Variants in XDH observed in about 807,000 individuals in gnomAD.
XDH encodes xanthine dehydrogenase/oxidase.
XDH carries 138 observed loss-of-function variants against 156.1 expected under a neutral mutation model. The ratio of observed to expected loss-of-function variants is 0.88; its 90% CI spans 0.77 to 1.02. The LOEUF (loss-of-function observed/expected upper bound fraction) is 1.02, where lower values mean the gene tolerates loss of function less well. XDH is among the 50% of genes least tolerant of loss of function. The pLI, the probability that XDH is intolerant of heterozygous loss-of-function variation, is 0.00. For missense variants in XDH, 1,849 were observed against 1,684.9 expected (o/e 1.10, Z -1.71); for synonymous variants, 669 against 625.7 (o/e 1.07, Z -1.03).
intron 1 of XDH, among the ~76,000 whole-genome samples, chr2:31,413,961 T>C (rs1327503092): frequency 3.3e-5 from 5 of 152,136 alleles, no homozygotes; most frequent in Non-Finnish European, 7.4e-5. Flanking sequence ...TAAGTCCCTG[T>C]GTACCAATAA....
chr2:31,410,604 C>A (rs1328425776), intron 1 of XDH, among the ~76,000 whole-genome samples: 1 of 152,184 alleles, frequency 6.6e-6, no homozygotes, highest in Non-Finnish European at 1.5e-5. Flanking sequence ...GACCCAAAAA[C>A]TGACGTTAAA....
At chr2:31,392,500 C>T (rs935230198) in intron 6 of XDH, among the ~76,000 whole-genome samples, 1 of 152,140 alleles carries the variant, frequency 6.6e-6, no homozygotes, top group African/African-American at 2.4e-5. Flanking sequence ...TCTTGGCTCA[C>T]TGCAACCTCC....
chr2:31,380,081 A>G lies in XDH; in HGVS notation c.1133-105T>C, dbSNP rs1008091392. On this transcript the variant is annotated intron_variant, in intron 12 of 35. Transcript: ENST00000379416. ...GTGGGATTCTTCATGCTGGTCTCCAATGCCCACAGTCAGAGCAAATGACTG... is the reference window on the plus strand; with the variant it reads ...GTGGGATTCTTCATGCTGGTCTCCAGTGCCCACAGTCAGAGCAAATGACTG... The G allele has an allele frequency of 4.0e-5, 44 of 1,095,958 alleles. No individual in the cohort carries two copies. In the African/African-American group the frequency reaches 5.9e-4, roughly 15 times the overall value. The allele number at this position is 1,095,958 out of a possible 1,614,324, so 67.9% of individuals were successfully genotyped here.
chr2:31,395,903 T>C (rs996056372), intron 6 of XDH, among the ~76,000 whole-genome samples: 4 of 152,190 alleles, frequency 2.6e-5, no homozygotes, highest in African/African-American at 7.2e-5. Context: ...AAGTCTTGCT[T>C]GTACCTGTTT....
chr2:31,360,723 G>A (rs904630303), intron 24 of XDH, among the ~76,000 whole-genome samples: 2 of 152,132 alleles, frequency 1.3e-5, no homozygotes, highest in African/African-American at 4.8e-5. Flanking sequence ...ACCCACTAGG[G>A]TTCTTGGAAT....
At chr2:31,373,844 G>C (rs1205762877) in intron 16 of XDH, 29 bp downstream of exon 16, 1 of 1,611,850 alleles carries the variant, frequency 6.2e-7, no homozygotes, top group South Asian at 1.1e-5. Context: ...AAAGTCCCCT[G>C]ATATTAGCCA....
chr2:31,348,430 A>C (rs1226581483), intron 27 of XDH, 67 bp from the exon 28 acceptor site: 1 of 1,471,602 alleles, frequency 6.8e-7, no homozygotes, highest in African/African-American at 1.4e-5. Context: ...TTTGGGACCA[A>C]AGGTATGGAG....
At chr2:31,408,878 G>C (rs1213094855) in intron 1 of XDH, among the ~76,000 whole-genome samples, 6 of 152,196 alleles carry the variant, frequency 3.9e-5, no homozygotes, top group Non-Finnish European at 1.5e-5. Context: ...ACATTTGGAA[G>C]CAACCTAAGC....
At chr2:31,365,827 G>A in intron 22 of XDH, 149 bp downstream of exon 22, 1 of 1,354,564 alleles carries the variant, frequency 7.4e-7, no homozygotes, top group Non-Finnish European at 1.0e-6. Flanking sequence ...CTCCCACTAT[G>A]CCCAAGGGTT....
chr2:31,378,853 T>TA (rs3216622), intron 13 of XDH, among the ~76,000 whole-genome samples: 56,522 of 148,434 alleles, frequency 0.38, 11,079 homozygotes, highest in African/African-American at 0.51. Flanking sequence ...CACTCATAAT[T>TA]AAAAAAAAAA....
intron 33 of XDH, among the ~76,000 whole-genome samples, chr2:31,340,610 C>T (rs11893429): frequency 0.021 from 3,121 of 152,172 alleles, 103 homozygotes; most frequent in African/African-American, 0.071. Context: ...GCTGGGATTA[C>T]AGGTGCATGC....
chr2:31,406,451 T>C (rs904902056), intron 1 of XDH, among the ~76,000 whole-genome samples: 2 of 152,236 alleles, frequency 1.3e-5, no homozygotes, highest in East Asian at 1.9e-4. Context: ...TGTTTCTTTA[T>C]AGCAATGCAT....
intron 34 of XDH, among the ~76,000 whole-genome samples, chr2:31,338,401 T>C (rs1385374400): frequency 6.6e-6 from 1 of 152,206 alleles, no homozygotes; most frequent in Non-Finnish European, 1.5e-5. Context: ...AAGCCACACC[T>C]ATTGGAGCAA....
rs559845899 is a variant in XDH, at chr2:31,346,346, C to T, written c.3351+423G>A. 1.1e-4 allele frequency among the ~76,000 whole-genome samples: 16 copies of T among 152,278 alleles called. 1 individual carries two copies. In the East Asian group the frequency reaches 3.1e-3, roughly 29 times the overall value. ...GGGTGATGTTTTCTCCCCACGCTGTCACAGAGGGAATCTCAGTAGACTCAG... is the reference window on the plus strand; with the variant it reads ...GGGTGATGTTTTCTCCCCACGCTGTTACAGAGGGAATCTCAGTAGACTCAG... On this transcript the variant is annotated intron_variant, in intron 30 of 35. Transcript: ENST00000379416.
chr2:31,348,867 C>T lies in XDH; in HGVS notation c.3051+32G>A, dbSNP rs780301123. Reference sequence around the variant, plus strand: ...ACAGGGAAATGGGGTCCCAGTCCAGCGGAGATGGACACAATTCTATAAAGC... The same window carrying T: ...ACAGGGAAATGGGGTCCCAGTCCAGTGGAGATGGACACAATTCTATAAAGC... On this transcript the variant is annotated intron_variant, in intron 27 of 35. Coordinates refer to ENST00000379416, the MANE Select transcript of XDH (RefSeq NM_000379.4). 2.2e-5 allele frequency: 35 copies of T among 1,590,358 alleles called. No individual in the cohort carries two copies. In the African/African-American group the frequency reaches 2.4e-4, roughly 11 times the overall value.
In XDH at chr2:31,414,607, A is replaced by G. The variant is rs1440196488; in HGVS notation, c.42+18T>C. ...CCAGGGAGAAGGGACACAAAACCAA[A>G]GGTCAGCTCCTACTTACCTTTCTGC... On this transcript the variant is annotated intron_variant, in intron 1 of 35. Coordinates refer to ENST00000379416, the MANE Select transcript of XDH (RefSeq NM_000379.4). 1 of 1,613,890 alleles carries G rather than the reference A, an allele frequency of 6.2e-7. No individual in the cohort carries two copies. Among genetic ancestry groups the G allele is most frequent in the Non-Finnish European group, 8.5e-7 (1 of 1,179,966 alleles).
At chr2:31,377,637 A>C (rs1179421582) in intron 13 of XDH, among the ~76,000 whole-genome samples, 1 of 151,968 alleles carries the variant, frequency 6.6e-6, no homozygotes, top group African/African-American at 2.4e-5. Flanking sequence ...CTCTCTGGGG[A>C]CTGAGGCTGT....
At chr2:31,379,793 T>C (rs1402068620) in intron 13 of XDH, 74 bp downstream of exon 13, 5 of 1,458,234 alleles carry the variant, frequency 3.4e-6, no homozygotes, top group Non-Finnish European at 4.8e-6. Flanking sequence ...CTGAAGCAGA[T>C]TCTGATCTCT....
chr2:31,340,555 C>T (rs996761905), intron 33 of XDH, among the ~76,000 whole-genome samples: 2 of 152,048 alleles, frequency 1.3e-5, no homozygotes, highest in African/African-American at 2.4e-5. Flanking sequence ...CTGCAAACTC[C>T]ACCTCCCAGG....
Sources: allele counts gnomAD v4.1 joint callset (sites outside exome capture counted in the v4.1 genomes callset), GRCh38; gene constraint gnomAD v4.1.1; transcripts MANE v1.5; gene names NCBI Gene and HGNC (gene_info 2026-07-23, HGNC 2026-07-21).